Variants in CRYGA observed in about 807,000 individuals in gnomAD.
The protein encoded by CRYGA is gamma-crystallin A.
CRYGA carries 11 observed loss-of-function variants against 13.8 expected under a neutral mutation model. The observed-to-expected ratio is 0.80, with a 90% CI of 0.50 to 1.32. CRYGA has a LOEUF of 1.32. CRYGA is among the 40% of genes most tolerant of loss of function. The probability of loss-of-function intolerance (pLI) is 0.00; values close to 1 mark genes in which losing one functional copy is unlikely to be tolerated. For synonymous variants in CRYGA, 97 were observed against 89.3 expected, an observed-to-expected ratio of 1.09 and a Z score of -0.48; for missense variants, 271 against 234.1, an observed-to-expected ratio of 1.16 and a Z score of -1.03.
chr2:208,161,445 G>A lies in CRYGA; in HGVS notation c.253-369C>T, dbSNP rs575599577. Among the ~76,000 whole-genome samples, 5 of 75,978 alleles carry A rather than the reference G, an allele frequency of 6.6e-5. No homozygotes were observed. In the South Asian group the frequency reaches 2.9e-3, roughly 43 times the overall value. The allele number at this position is 75,978 out of a possible 152,430, so 49.8% of individuals were successfully genotyped here. On this transcript the variant is annotated intron_variant, in intron 2 of 2. Transcript: ENST00000304502. ...TTCTCTCACCTTGGCCTCCCAAAAT[G>A]TTGGGATTACAAATGTTGGGATTGC...
In CRYGA at chr2:208,160,957, G is replaced by T. The variant is rs565258929; in HGVS notation, c.372C>A (p.Leu124=). 1.9e-6 allele frequency: 3 copies of T among 1,614,018 alleles called. No homozygotes were observed. In the South Asian group the frequency reaches 3.3e-5, roughly 18 times the overall value. Residue 124 remains leucine (L), a synonymous_variant, in exon 3 of 3, where the codon CTC becomes CTA. Coordinates refer to ENST00000304502, the MANE Select transcript of CRYGA (RefSeq NM_014617.4). ...GGACCCAGCAGCCCTCCAGTACGTGGAGGGAATAGATCTCAGGGAGACGGA... is the reference window on the plus strand; with the variant it reads ...GGACCCAGCAGCCCTCCAGTACGTGTAGGGAATAGATCTCAGGGAGACGGA... ...ELFRLPEIYS[L]HVLEGCWVLY...
At chr2:208,162,992 T>C (rs1695791132) in intron 2 of CRYGA, among the ~76,000 whole-genome samples, 1 of 151,882 alleles carries the variant, frequency 6.6e-6, no homozygotes, top group African/African-American at 2.4e-5. Context: ...AAAGGCTATG[T>C]TGTGATTTCC....
chr2:208,160,990 T>A lies in CRYGA; in HGVS notation c.339A>T (p.Pro113=), dbSNP rs1482876719. Residue 113 remains proline (P), a synonymous_variant, in exon 3 of 3, where the codon CCA becomes CCT. Coordinates refer to ENST00000304502, the MANE Select transcript of CRYGA (RefSeq NM_014617.4). The part of the protein sequence containing the change: ...SELTDDCACV[P]ELFRLPEIYS... ...AGATCTCAGGGAGACGGAACAGTTC[T>A]GGAACACAGGCGCAGTCATCAGTGA... The A allele has an allele frequency of 6.2e-7, 1 of 1,613,902 alleles. No individual in the cohort carries two copies. Among genetic ancestry groups the A allele is most frequent in the Non-Finnish European group, 8.5e-7 (1 of 1,179,938 alleles).
At position 208,161,212 on chromosome 2, in the gene CRYGA, G is replaced by A. The variant is rs1265688708; in HGVS notation, c.253-136C>T. The A allele has an allele frequency of 1.9e-5, 17 of 882,534 alleles. 1 individual carries two copies. The South Asian group carries it at 2.8e-4, about 15-fold the overall frequency. The allele number at this position is 882,534 out of a possible 1,614,324, so 54.7% of individuals were successfully genotyped here. A position where few individuals can be genotyped will look rare whatever the true frequency, so the allele number is the denominator to read the frequency against. On this transcript the variant is annotated intron_variant, in intron 2 of 2. Coordinates refer to ENST00000304502, the MANE Select transcript of CRYGA (RefSeq NM_014617.4). ...TTTGAGATAAAGGTCTTGCTGTGTT[G>A]CCCAGGCTGGAGTACAGTGGCAGGA...
chr2:208,163,130 G>A, intron 2 of CRYGA, 74 bp downstream of exon 2: 2 of 1,341,484 alleles, frequency 1.5e-6, no homozygotes, highest in Non-Finnish European at 2.1e-6. Flanking sequence ...GGAACAAACT[G>A]ACTTTTATAA....
rs201413271 is a variant in CRYGA at position 208,161,069 on chromosome 2, G to T, written c.260C>A (p.Ser87Ter). ...QSCRIIPHTS[S>*]HKLRLYERDD... is the part of the protein sequence containing the mutation. ...TCTCTCGTACAGCCTTAACTTGTGCGAGCTGGTCTGTCATGGCAATAAACA... is the reference window on the plus strand; with the variant it reads ...TCTCTCGTACAGCCTTAACTTGTGCTAGCTGGTCTGTCATGGCAATAAACA... Residue 87 changes from serine to a stop codon, truncating the protein, a stop_gained, in exon 3 of 3, where the codon TCG (serine) becomes TAG (stop). Coordinates refer to ENST00000304502, the MANE Select transcript of CRYGA (RefSeq NM_014617.4). LOFTEE classifies it low-confidence loss of function (END_TRUNC). 2 of 1,613,896 alleles carry T rather than the reference G, an allele frequency of 1.2e-6. No individual in the cohort carries two copies. Among genetic ancestry groups the T allele is most frequent in the Non-Finnish European group, 1.7e-6 (2 of 1,179,838 alleles).
chr2:208,163,308 T>C lies in CRYGA; in HGVS notation c.148A>G (p.Asn50Asp). 1.2e-6 allele frequency: 2 copies of C among 1,614,024 alleles called. No individual in the cohort carries two copies. The highest frequency in any genetic ancestry group is 1.7e-6 in the Non-Finnish European group (2 of 1,180,006). ...AGGAAGTACTGGTGGCCCTGGTAAT[T>C]GGGACGCTCATAGAGCATCCAGCAG... ...SGCWMLYERP[N>D]YQGHQYFLRR... is the part of the protein sequence containing the mutation. Residue 50 changes from asparagine (N) to aspartate (D), a missense_variant, in exon 2 of 3, where the codon AAT (asparagine) becomes GAT (aspartate). Asn to Asp is a conservative substitution (Grantham distance 23). Coordinates refer to ENST00000304502, the MANE Select transcript of CRYGA (RefSeq NM_014617.4).
In CRYGA at chr2:208,160,897, A is replaced by C. The variant is rs1438833276; in HGVS notation, c.432T>G (p.Tyr144Ter). Residue 144 changes from tyrosine to a stop codon, truncating the protein, a stop_gained, in exon 3 of 3, where the codon TAT (tyrosine) becomes TAG (stop). Transcript: ENST00000304502. LOFTEE classifies it high-confidence loss of function. ...TTCTGTAGTCCCCAGGCCTCAGCAG[A>C]TACTGCCGCCCCCGGTAGTTGGGCA... is the stretch of plus-strand genomic sequence containing the variant. Reference protein sequence around the residue: ...YEMPNYRGRQYLLRPGDYRRY... With the variant: ...YEMPNYRGRQ 5.0e-6 allele frequency: 8 copies of C among 1,612,702 alleles called. No individual in the cohort carries two copies. The highest frequency in any genetic ancestry group is 5.9e-6 in the Non-Finnish European group (7 of 1,178,852).
rs1485598956 is a variant in CRYGA, at chr2:208,163,588, A to G, written c.-32T>C. 1.2e-6 allele frequency: 2 copies of G among 1,606,424 alleles called. No homozygotes were observed. The highest frequency in any genetic ancestry group is 3.4e-5 in the Admixed American group (2 of 59,044). ...TGACAGAGGGTGATTAGCATCTAGT[A>G]TGATAGGGACAAAGGGGCAACTGGT... On this transcript the variant is annotated 5_prime_UTR_variant, in exon 1 of 3. Transcript: ENST00000304502.
intron 2 of CRYGA, among the ~76,000 whole-genome samples, chr2:208,161,641 AG>A (rs1695760719): frequency 6.6e-6 from 1 of 152,214 alleles, no homozygotes; most frequent in Non-Finnish European, 1.5e-5. Flanking sequence ...AGGGAATAAA[AG>A]TGTGTTCTTT....
intron 2 of CRYGA, among the ~76,000 whole-genome samples, chr2:208,162,142 G>C (rs1455812082): frequency 6.6e-6 from 1 of 151,964 alleles, no homozygotes; most frequent in Non-Finnish European, 1.5e-5. Context: ...TCACCATGTT[G>C]GCCAAGCTGG....
rs375199678 is a variant in CRYGA, at chr2:208,160,916, T to A, written c.413A>T (p.Asn138Ile). The change falls in exon 3 of 3, where the codon AAC becomes ATC. Residue 138 changes from asparagine to isoleucine, a missense_variant. Asn to Ile is a moderately radical substitution (Grantham distance 149). Coordinates refer to ENST00000304502, the MANE Select transcript of CRYGA (RefSeq NM_014617.4). ...CAGCAGATACTGCCGCCCCCGGTAG[T>A]TGGGCATTTCATAGAGGACCCAGCA... The part of the protein sequence containing the change: ...EGCWVLYEMP[N>I]YRGRQYLLRP... 1 of 1,613,320 alleles carries A rather than the reference T, an allele frequency of 6.2e-7. No homozygotes were observed.
At position 208,163,420 on chromosome 2, in the gene CRYGA, A is replaced by C. The variant is rs2105883148; in HGVS notation, c.36T>G (p.Phe12Leu). ...TGATGCAATTGTAGCAGCGACCCTG[A>C]AAGTCTCGGTCCTCGTAGAAGGTGA... ...GKITFYEDRDFQGRCYNCISD... is the reference protein window; with the variant it reads ...GKITFYEDRDLQGRCYNCISD... Residue 12 changes from phenylalanine to leucine, a missense_variant, in exon 2 of 3, where the codon TTT becomes TTG. Coordinates refer to ENST00000304502, the MANE Select transcript of CRYGA (RefSeq NM_014617.4). 1 of 1,613,780 alleles carries C rather than the reference A, an allele frequency of 6.2e-7. No individual in the cohort carries two copies. The highest frequency in any genetic ancestry group is 8.5e-7 in the Non-Finnish European group (1 of 1,179,970).
Position 208,163,451 on chromosome 2 carries a change from G to A in CRYGA, c.10-5C>T, listed in dbSNP as rs369076657. On this transcript the variant is annotated splice_region_variant and splice_polypyrimidine_tract_variant and intron_variant, in intron 1 of 2. Coordinates refer to ENST00000304502, the MANE Select transcript of CRYGA (RefSeq NM_014617.4). ...TCGGTCCTCGTAGAAGGTGATCTGA[G>A]GTAGAAATAAGGTGACAGTAGACAG... 6.2e-7 allele frequency: 1 copy of A among 1,613,308 alleles called. No individual in the cohort carries two copies. The highest frequency in any genetic ancestry group is 8.5e-7 in the Non-Finnish European group (1 of 1,179,922).
intron 2 of CRYGA, among the ~76,000 whole-genome samples, chr2:208,162,845 C>CA (rs200926418): frequency 0.24 from 34,267 of 142,130 alleles, 4,686 homozygotes; most frequent in East Asian, 0.55. Context: ...AGTTCTGTCT[C>CA]AAAAAAAAAA....
At chr2:208,162,529 T>G (rs954781713) in intron 2 of CRYGA, among the ~76,000 whole-genome samples, 1 of 152,198 alleles carries the variant, frequency 6.6e-6, no homozygotes, top group African/African-American at 2.4e-5. Context: ...ACCTATATTG[T>G]TATCTCATAG....
chr2:208,163,160 G>A (rs777353293), intron 2 of CRYGA, 44 bp downstream of exon 2: 6 of 1,534,648 alleles, frequency 3.9e-6, no homozygotes, highest in Non-Finnish European at 2.7e-6. Context: ...GATGGCCATG[G>A]ATCATTGATG....
rs748294649 is a variant in CRYGA at position 208,163,552 on chromosome 2, C to T, written c.5G>A (p.Gly2Glu). 5.6e-6 allele frequency: 9 copies of T among 1,609,658 alleles called. No homozygotes were observed. The highest frequency in any genetic ancestry group is 4.5e-5 in the East Asian group (2 of 44,768). Reference protein sequence around the residue: MGKITFYEDRDF... With the variant: MEKITFYEDRDF... ...ACAGCACCTCCACAGGCTCACCTTC[C>T]CCATGGTTGTTGACAGAGGGTGATT... The change falls in exon 1 of 3, where the codon GGG becomes GAG. Residue 2 changes from glycine (G) to glutamate (E), a missense_variant. Coordinates refer to ENST00000304502, the MANE Select transcript of CRYGA (RefSeq NM_014617.4).
Position 208,163,451 on chromosome 2 carries a change from G to T in CRYGA, c.10-5C>A. ...TCGGTCCTCGTAGAAGGTGATCTGA[G>T]GTAGAAATAAGGTGACAGTAGACAG... On this transcript the variant is annotated splice_region_variant and splice_polypyrimidine_tract_variant and intron_variant, in intron 1 of 2. Transcript: ENST00000304502. The T allele has an allele frequency of 6.2e-7, 1 of 1,613,426 alleles. No individual in the cohort carries two copies. The highest frequency in any genetic ancestry group is 1.1e-5 in the South Asian group (1 of 91,030).
Sources: allele counts gnomAD v4.1 joint callset (sites outside exome capture counted in the v4.1 genomes callset), GRCh38; gene constraint gnomAD v4.1.1; transcripts MANE v1.5; gene names NCBI Gene and HGNC (gene_info 2026-07-23, HGNC 2026-07-21).